CNTNAP2: variants seen among roughly 807,000 people sequenced by gnomAD.
CNTNAP2 encodes contactin-associated protein-like 2.
CNTNAP2 carries 98 observed loss-of-function variants against 155.2 expected under a neutral mutation model. The ratio of observed to expected loss-of-function variants is 0.63; its 90% confidence interval spans 0.54 to 0.75. The LOEUF is 0.75. Ranked by LOEUF, CNTNAP2 falls within the 30% of genes least tolerant of loss-of-function variation. The pLI is 0.00. For synonymous variants in CNTNAP2, 651 were observed against 631.2 expected, an observed-to-expected ratio of 1.03 and a Z score of -0.47; for missense variants, 1,727 against 1,688.1, an observed-to-expected ratio of 1.02 and a Z score of -0.40.
At chr7:147,654,976 C>T (rs1230632560) in intron 13 of CNTNAP2, among the ~76,000 whole-genome samples, 2 of 149,856 alleles carry the variant, frequency 1.3e-5, no homozygotes, top group African/African-American at 4.9e-5. Flanking sequence ...GTCACCATGC[C>T]CGGCTAATTT....
intron 1 of CNTNAP2, among the ~76,000 whole-genome samples, chr7:146,755,336 T>C (rs1001914136): frequency 6.6e-6 from 1 of 152,030 alleles, no homozygotes; most frequent in African/African-American, 2.4e-5. Context: ...TATGTGTGAA[T>C]ATATGTGCTC....
At position 148,118,425 on chromosome 7, in the gene CNTNAP2, A is replaced by G. The variant is rs1011517252; in HGVS notation, c.2554+137A>G. On this transcript the variant is annotated intron_variant, in intron 16 of 23. Coordinates refer to ENST00000361727, the MANE Select transcript of CNTNAP2 (RefSeq NM_014141.6). ...TCCAGGAGCAGGACTAGAGGTGGAC[A>G]CACAAGCCTGAGTTTGGGCTCCAAC... 47 of 962,998 alleles carry G rather than the reference A, an allele frequency of 4.9e-5. No individual in the cohort carries two copies. The African/African-American group carries it at 5.4e-4, about 11-fold the overall frequency. The allele number at this position is 962,998 out of a possible 1,614,324, so 59.7% of individuals were successfully genotyped here.
intron 21 of CNTNAP2, among the ~76,000 whole-genome samples, chr7:148,323,881 A>ATTTT (rs35049282): frequency 1.9e-5 from 2 of 102,592 alleles, no homozygotes; most frequent in African/African-American, 7.6e-5. Context: ...CTGAAGCCCC[A>ATTTT]TTTTTTTTTT....
chr7:146,944,648 G>A (rs1797122767), intron 3 of CNTNAP2, among the ~76,000 whole-genome samples: 1 of 152,104 alleles, frequency 6.6e-6, no homozygotes, highest in Non-Finnish European at 1.5e-5. Context: ...GGAGGCCAAG[G>A]TGGGCGGATC....
intron 7 of CNTNAP2, among the ~76,000 whole-genome samples, chr7:147,129,537 G>T (rs117000311): frequency 0.018 from 2,772 of 152,282 alleles, 55 homozygotes; most frequent in Non-Finnish European, 0.027. Flanking sequence ...TGCAATTTTA[G>T]TATGAGAGTT....
chr7:147,288,779 C>T (rs1473762083), intron 8 of CNTNAP2, among the ~76,000 whole-genome samples: 1 of 152,122 alleles, frequency 6.6e-6, no homozygotes, highest in Non-Finnish European at 1.5e-5. Context: ...GAATTGTATT[C>T]TTTAAAAGTC....
intron 1 of CNTNAP2, among the ~76,000 whole-genome samples, chr7:146,516,828 A>C (rs78875514): frequency 0.065 from 9,825 of 152,000 alleles, 782 homozygotes; most frequent in African/African-American, 0.19. Context: ...TATTGGCTAT[A>C]AATGAAATTC....
chr7:147,052,280 C>T (rs779863658), intron 4 of CNTNAP2, among the ~76,000 whole-genome samples: 1 of 152,020 alleles, frequency 6.6e-6, no homozygotes, highest in African/African-American at 2.4e-5. Flanking sequence ...CTGCAAGATA[C>T]TGGGAGGAGG....
At chr7:147,516,627 T>C (rs903801593) in intron 11 of CNTNAP2, among the ~76,000 whole-genome samples, 80 of 150,578 alleles carry the variant, frequency 5.3e-4, no homozygotes, top group Middle Eastern at 3.4e-3. Context: ...AATGTGTGTG[T>C]GTGTGTGTGT....
intron 1 of CNTNAP2, among the ~76,000 whole-genome samples, chr7:146,740,302 A>G (rs762348672): frequency 1.3e-4 from 19 of 145,032 alleles, no homozygotes; most frequent in Non-Finnish European, 2.6e-4. Flanking sequence ...TTTTTTTTTT[A>G]ATTTAATCCC....
chr7:146,576,451 G>T (rs1328208782), intron 1 of CNTNAP2, among the ~76,000 whole-genome samples: 1 of 152,202 alleles, frequency 6.6e-6, no homozygotes, highest in East Asian at 1.9e-4. Context: ...AGAACCCAGA[G>T]TGTGAGCAGG....
At chr7:147,967,268 A>G (rs975851332) in intron 14 of CNTNAP2, among the ~76,000 whole-genome samples, 5 of 152,240 alleles carry the variant, frequency 3.3e-5, no homozygotes, top group Non-Finnish European at 7.3e-5. Context: ...TGATAAAAAG[A>G]ATGGATTTTT....
At chr7:147,711,613 C>T (rs1328989404) in intron 13 of CNTNAP2, among the ~76,000 whole-genome samples, 2 of 152,198 alleles carry the variant, frequency 1.3e-5, no homozygotes, top group African/African-American at 2.4e-5. Flanking sequence ...TAAAAGAAAA[C>T]AGCTGCCAGA....
chr7:146,571,807 C>T (rs1339246145), intron 1 of CNTNAP2, among the ~76,000 whole-genome samples: 2 of 151,596 alleles, frequency 1.3e-5, no homozygotes, highest in African/African-American at 4.8e-5. Context: ...CCTCGGCTCA[C>T]TGCAACCTCC....
At position 146,738,086 on chromosome 7, in the gene CNTNAP2, A is replaced by T. The variant is rs188957255; in HGVS notation, c.98-36185A>T. On this transcript the variant is annotated intron_variant, in intron 1 of 23. Coordinates refer to ENST00000361727, the MANE Select transcript of CNTNAP2 (RefSeq NM_014141.6). ...TAATTCTATTTTCAATTTGTTGAGGAGCCTCCATCCTGTTTTTCACAATTG... is the reference window on the plus strand; with the variant it reads ...TAATTCTATTTTCAATTTGTTGAGGTGCCTCCATCCTGTTTTTCACAATTG... Among the ~76,000 whole-genome samples the T allele has an allele frequency of 7.2e-5, 11 of 152,146 alleles. No homozygotes were observed. The East Asian group carries it at 1.9e-3, about 27-fold the overall frequency.
intron 9 of CNTNAP2, among the ~76,000 whole-genome samples, chr7:147,333,424 T>G (rs1584880215): frequency 6.6e-6 from 1 of 152,262 alleles, no homozygotes; most frequent in African/African-American, 2.4e-5. Context: ...AAATAAAAAC[T>G]TAGTATATTG....
intron 2 of CNTNAP2, among the ~76,000 whole-genome samples, chr7:146,791,103 T>C (rs1206206757): frequency 1.3e-5 from 2 of 151,516 alleles, no homozygotes; most frequent in African/African-American, 4.9e-5. Flanking sequence ...CAGTGTGTGA[T>C]GTCCCCCTCC....
intron 11 of CNTNAP2, among the ~76,000 whole-genome samples, chr7:147,559,173 G>A (rs541308078): frequency 2.2e-4 from 34 of 152,292 alleles, no homozygotes; most frequent in African/African-American, 7.7e-4. Flanking sequence ...ACCGTGCCCG[G>A]CCTAATTGTT....
In CNTNAP2 at chr7:147,451,204, A is replaced by C. The variant is rs111728285; in HGVS notation, c.1671-34731A>C. 2.2e-3 allele frequency among the ~76,000 whole-genome samples: 338 copies of C among 152,300 alleles called. 1 individual carries two copies. The highest frequency in any genetic ancestry group is 7.8e-3 in the African/African-American group (325 of 41,536). On this transcript the variant is annotated intron_variant, in intron 10 of 23. Transcript: ENST00000361727. ...TGCAGAACACAACTAAAAAATCTGC[A>C]TAGAAACAAGAGCCCACTAGTCTGG...
Sources: gnomAD v4.1 joint callset for allele counts (sites outside exome capture counted in the v4.1 genomes callset) on GRCh38, gnomAD v4.1.1 for gene constraint, MANE v1.5 for transcripts, NCBI Gene and HGNC (gene_info 2026-07-23, HGNC 2026-07-21) for gene names.